The following SORCS1 variants were observed in gnomAD, a reference collection of about 807,000 sequenced individuals.
SORCS1 encodes the protein VPS10 domain-containing receptor SorCS1.
Under a neutral mutation model 146.1 loss-of-function variants are expected in SORCS1, and 60 were observed. The observed-to-expected ratio is 0.41, with a 90% CI of 0.33 to 0.51. The LOEUF (loss-of-function observed/expected upper bound fraction) is 0.51, where lower values mean the gene tolerates loss of function less well. SORCS1 is among the 20% of genes least tolerant of loss of function. The pLI, the probability that SORCS1 is intolerant of heterozygous loss-of-function variation, is 0.21. For synonymous variants in SORCS1, 637 were observed against 584.0 expected (o/e 1.09, Z -1.31); for missense variants, 1,352 against 1,487.6 (o/e 0.91, Z 1.50).
chr10:107,041,246 G>A lies in SORCS1; in HGVS notation c.559-84666C>T, dbSNP rs528969588. ...AATTCCCACATAGTGATTTACCCAG[G>A]AGAGCACATTGGAAACAGGGTCTCT... On this transcript the variant is annotated intron_variant, in intron 1 of 25. Coordinates refer to ENST00000263054, the MANE Select transcript of SORCS1 (RefSeq NM_052918.5). Among the ~76,000 whole-genome samples the A allele has an allele frequency of 2.6e-5, 4 of 152,152 alleles. No individual in the cohort carries two copies. The East Asian group carries it at 5.8e-4, about 22-fold the overall frequency.
chr10:107,163,523 T>A (rs1023188166), intron 1 of SORCS1, among the ~76,000 whole-genome samples: 2 of 150,192 alleles, frequency 1.3e-5, no homozygotes, highest in Admixed American at 6.6e-5. Flanking sequence ...TAAAATAAAA[T>A]AAAACGCCTA....
chr10:107,057,981 G>A (rs1268762995), intron 1 of SORCS1, among the ~76,000 whole-genome samples: 2 of 152,118 alleles, frequency 1.3e-5, no homozygotes, highest in Admixed American at 6.6e-5. Flanking sequence ...ACAGTGCCTG[G>A]CCTTACTGGC....
At chr10:107,107,410 A>G (rs1447532060) in intron 1 of SORCS1, among the ~76,000 whole-genome samples, 2 of 152,212 alleles carry the variant, frequency 1.3e-5, no homozygotes, top group African/African-American at 4.8e-5. Context: ...GATAACTTGG[A>G]TGAATGGATT....
chr10:106,823,436 G>T (rs2136944094), intron 3 of SORCS1, among the ~76,000 whole-genome samples: 1 of 152,270 alleles, frequency 6.6e-6, no homozygotes, highest in Non-Finnish European at 1.5e-5. Flanking sequence ...TTTATAGTTA[G>T]AGAAAAGAAA....
At chr10:106,792,710 T>A (rs1482454783) in intron 3 of SORCS1, among the ~76,000 whole-genome samples, 3 of 152,158 alleles carry the variant, frequency 2.0e-5, no homozygotes, top group African/African-American at 7.2e-5. Flanking sequence ...AAAACATAAG[T>A]GAAAATGTGA....
At chr10:106,885,618 A>G (rs1160724397) in intron 2 of SORCS1, among the ~76,000 whole-genome samples, 2 of 152,184 alleles carry the variant, frequency 1.3e-5, no homozygotes, top group African/African-American at 2.4e-5. Context: ...AGGATGCTCA[A>G]TGTATGATTT....
intron 4 of SORCS1, among the ~76,000 whole-genome samples, chr10:106,767,370 A>G (rs1159409260): frequency 6.6e-6 from 1 of 152,136 alleles, no homozygotes; most frequent in African/African-American, 2.4e-5. Flanking sequence ...TTGGGAAGGG[A>G]GGGCCAATAT....
At chr10:107,023,727 G>C (rs926224469) in intron 1 of SORCS1, among the ~76,000 whole-genome samples, 7 of 151,972 alleles carry the variant, frequency 4.6e-5, no homozygotes, top group African/African-American at 1.7e-4. Flanking sequence ...GAAAAATAGA[G>C]GAATTTGCTG....
rs4918266 is a variant in SORCS1 at position 106,883,747 on chromosome 10, T to G, written c.627-54074A>C. Among the ~76,000 whole-genome samples, 483 of 152,284 alleles carry G rather than the reference T, an allele frequency of 3.2e-3. 11 individuals are homozygous for G. Among genetic ancestry groups the G allele is most frequent in the Admixed American group, 0.024 (366 of 15,300 alleles). On this transcript the variant is annotated intron_variant, in intron 2 of 25. Transcript: ENST00000263054. ...ATTAACCAATGGTCTTGGTTGTATA[T>G]CTATTGCCAGCTCTACTCATTTCTT...
At chr10:107,055,699 A>T (rs952412221) in intron 1 of SORCS1, among the ~76,000 whole-genome samples, 3 of 152,176 alleles carry the variant, frequency 2.0e-5, no homozygotes, top group Non-Finnish European at 4.4e-5. Flanking sequence ...GAGGGACAAG[A>T]GACTAGAAAA....
At chr10:106,723,419 A>ACAC (rs2135955556) in intron 6 of SORCS1, among the ~76,000 whole-genome samples, 1 of 152,070 alleles carries the variant, frequency 6.6e-6, no homozygotes, top group Admixed American at 6.6e-5. Flanking sequence ...ACACACACAC[A>ACAC]GAATATTTAA....
At chr10:106,836,200 C>T (rs983736461) in intron 2 of SORCS1, among the ~76,000 whole-genome samples, 1 of 151,284 alleles carries the variant, frequency 6.6e-6, no homozygotes, top group Admixed American at 6.6e-5. Flanking sequence ...GTGCGCCGGG[C>T]GCAGTGGCTC....
chr10:106,807,894 T>A (rs1304999493), intron 3 of SORCS1, among the ~76,000 whole-genome samples: 5 of 152,270 alleles, frequency 3.3e-5, no homozygotes, highest in Non-Finnish European at 5.9e-5. Context: ...CTTTACATCT[T>A]CCCATTTGCC....
chr10:106,758,073 TAACAC>T (rs1222795380), intron 5 of SORCS1, among the ~76,000 whole-genome samples: 1 of 152,180 alleles, frequency 6.6e-6, no homozygotes, highest in Admixed American at 6.6e-5. Flanking sequence ...TTATTTTACT[TAACAC>T]ATCAATCAGA....
At chr10:107,110,221 T>C (rs936962810) in intron 1 of SORCS1, among the ~76,000 whole-genome samples, 1 of 152,168 alleles carries the variant, frequency 6.6e-6, no homozygotes. Context: ...AGTTTCAAAG[T>C]TGCTTCTAGA....
intron 2 of SORCS1, among the ~76,000 whole-genome samples, chr10:106,833,081 TAGTC>T (rs67946508): frequency 0.28 from 42,631 of 151,824 alleles, 6,937 homozygotes; most frequent in Non-Finnish European, 0.38. Context: ...TAGAGTGACT[TAGTC>T]AGATTTACAT....
At chr10:106,707,870 T>C (rs545534705) in intron 7 of SORCS1, among the ~76,000 whole-genome samples, 1 of 152,342 alleles carries the variant, frequency 6.6e-6, no homozygotes, top group South Asian at 2.1e-4. Context: ...CAATGACAGC[T>C]GGAGTCTGCA....
intron 1 of SORCS1, among the ~76,000 whole-genome samples, chr10:107,084,672 C>A (rs1439803008): frequency 6.6e-6 from 1 of 151,934 alleles, no homozygotes; most frequent in Admixed American, 6.5e-5. Context: ...CTAATCAAAT[C>A]CACACTTTGA....
intron 1 of SORCS1, among the ~76,000 whole-genome samples, chr10:107,152,773 TG>T (rs1445380511): frequency 6.6e-6 from 1 of 152,200 alleles, no homozygotes; most frequent in Non-Finnish European, 1.5e-5. Flanking sequence ...CACCCAGTCA[TG>T]GGTATGTCTT....
Sources: allele counts gnomAD v4.1 joint callset (sites outside exome capture counted in the v4.1 genomes callset), GRCh38; gene constraint gnomAD v4.1.1; transcripts MANE v1.5; gene names NCBI Gene and HGNC (gene_info 2026-07-23, HGNC 2026-07-21).